TTF2: variants seen among roughly 807,000 people sequenced by gnomAD.
TTF2 encodes RNA polymerase II termination factor.
Under a neutral mutation model 142.4 loss-of-function variants are expected in TTF2, and 108 were observed. The observed-to-expected ratio is 0.76, with a 90% CI of 0.65 to 0.89. TTF2 has a LOEUF of 0.89. TTF2 is among the 40% of genes least tolerant of loss of function. The pLI is 0.00. For synonymous variants in TTF2, 483 were observed against 506.2 expected (o/e 0.95, Z 0.61); for missense variants, 1,327 against 1,379.8 (o/e 0.96, Z 0.61).
chr1:117,089,260 C>CAAATATATGCTA (rs1553198319), intron 13 of TTF2, among the ~76,000 whole-genome samples: 1 of 137,468 alleles, frequency 7.3e-6, no homozygotes, highest in African/African-American at 2.7e-5. Flanking sequence ...CAAATATATG[C>CAAATATATGCTA]TATATATATA....
In TTF2 at chr1:117,063,218, C is replaced by A. The variant is rs1053561621; in HGVS notation, c.218+745C>A. Among the ~76,000 whole-genome samples, 14 of 152,122 alleles carry A rather than the reference C, an allele frequency of 9.2e-5. No individual in the cohort carries two copies. The highest frequency in any genetic ancestry group is 3.1e-4 in the African/African-American group (13 of 41,428). ...GAGTACCACCTACAATTTTTATATACCTGAGTACTGTTCATACTTCTATTT... is the reference window on the plus strand; with the variant it reads ...GAGTACCACCTACAATTTTTATATAACTGAGTACTGTTCATACTTCTATTT... On this transcript the variant is annotated intron_variant, in intron 3 of 22. Transcript: ENST00000369466. This position sits in a 1 kb window ranked among gnomAD's most constrained non-coding sequence, Gnocchi z 4.1.
rs776956623 is a variant in TTF2 at position 117,075,694 on chromosome 1, A to C, written c.1110A>C (p.Leu370=). The C allele has an allele frequency of 6.2e-7, 1 of 1,613,882 alleles. No individual in the cohort carries two copies. The highest frequency in any genetic ancestry group is 1.3e-5 in the African/African-American group (1 of 74,924). The change falls in exon 5 of 23, where the codon CTA becomes CTC. Residue 370 remains leucine, a synonymous_variant. Transcript: ENST00000369466. The surrounding 1 kb of genome is among the most constrained non-coding windows in gnomAD (Gnocchi z 4.5). ...TTTCCTCTAAGCCTGGGAGCCCCCT[A>C]CTCTTTGACTCGACTCTGGACTTAG... ...VFVSSKPGSP[L]LFDSTLDLET...
Position 117,091,335 on chromosome 1 carries a change from C to T in TTF2, c.2596C>T (p.Leu866=). The change falls in exon 16 of 23, where the codon CTG becomes TTG. Residue 866 remains leucine (L), a synonymous_variant. Coordinates refer to ENST00000369466, the MANE Select transcript of TTF2 (RefSeq NM_003594.4). ...NVFFARSRSA[L]QSYLKRHESR... ...CTTTTTAATCTGAGGCAGGTCAGCT[C>T]TGCAATCCTATCTAAAAAGACATGA... 1 of 1,612,508 alleles carries T rather than the reference C, an allele frequency of 6.2e-7. No homozygotes were observed. The highest frequency in any genetic ancestry group is 1.1e-5 in the South Asian group (1 of 90,800).
chr1:117,096,403 G>A (rs1649152688), intron 20 of TTF2, 104 bp downstream of exon 20: 4 of 1,437,698 alleles, frequency 2.8e-6, no homozygotes, highest in Admixed American at 2.2e-5. Context: ...TTGAGACGGA[G>A]TTTTGCTCTT....
At position 117,090,872 on chromosome 1, in the gene TTF2, G is replaced by T. The variant is rs965296181; in HGVS notation, c.2588+249G>T. Among the ~76,000 whole-genome samples the T allele has an allele frequency of 2.8e-4, 43 of 152,102 alleles. 1 individual carries two copies. Among genetic ancestry groups the T allele is most frequent in the African/African-American group, 9.4e-4 (39 of 41,446 alleles). On this transcript the variant is annotated intron_variant, in intron 15 of 22. Coordinates refer to ENST00000369466, the MANE Select transcript of TTF2 (RefSeq NM_003594.4). This position sits in a 1 kb window ranked among gnomAD's most constrained non-coding sequence, Gnocchi z 4.8. ...GGCTTCCTTGCATAGAAGTCATAGG[G>T]TGTGGTCACCATATACTGAATCTGT... is the stretch of plus-strand genomic sequence containing the variant.
intron 11 of TTF2, among the ~76,000 whole-genome samples, chr1:117,084,441 C>G (rs192007784): frequency 3.2e-4 from 48 of 152,324 alleles, no homozygotes; most frequent in African/African-American, 1.2e-3. Flanking sequence ...CAGCAGCATT[C>G]CCCTAGTCAA....
rs75800043 is a variant in TTF2 at position 117,073,118 on chromosome 1, T to C, written c.219-543T>C. Among the ~76,000 whole-genome samples the C allele has an allele frequency of 2.2e-3, 331 of 152,324 alleles. 1 individual carries two copies. Among genetic ancestry groups the C allele is most frequent in the African/African-American group, 7.4e-3 (307 of 41,580 alleles). ...TAACTTATTTGTGGAAGGGATCAGG[T>C]TGTTTGTCCTATAGCGTTTCCCACT... On this transcript the variant is annotated intron_variant, in intron 3 of 22. Transcript: ENST00000369466. The surrounding 1 kb of genome is among the most constrained non-coding windows in gnomAD (Gnocchi z 4.4).
intron 9 of TTF2, among the ~76,000 whole-genome samples, chr1:117,081,607 A>G (rs750423564): frequency 3.3e-5 from 5 of 152,242 alleles, no homozygotes; most frequent in South Asian, 2.1e-4. Context: ...TACAAGAGTC[A>G]TAGTAAATGT....
chr1:117,079,487 A>T lies in TTF2; in HGVS notation c.1702-81A>T. On this transcript the variant is annotated intron_variant, in intron 8 of 22. Transcript: ENST00000369466. The surrounding 1 kb of genome is among the most constrained non-coding windows in gnomAD (Gnocchi z 4.2). Reference sequence around the variant, plus strand: ...GGGAATCATTTGTAGAAAATAGGAGAGTGTAGAGTTCGTGTAGCCAGGCTC... The same window carrying T: ...GGGAATCATTTGTAGAAAATAGGAGTGTGTAGAGTTCGTGTAGCCAGGCTC... 8.0e-7 allele frequency: 1 copy of T among 1,257,004 alleles called. No individual in the cohort carries two copies. The highest frequency in any genetic ancestry group is 1.2e-6 in the Non-Finnish European group (1 of 858,066). 77.9% of individuals were successfully genotyped at this position (1,257,004 alleles called of 1,614,324 possible).
intron 3 of TTF2, among the ~76,000 whole-genome samples, chr1:117,069,828 G>A (rs1002617767): frequency 6.6e-6 from 1 of 152,192 alleles, no homozygotes; most frequent in African/African-American, 2.4e-5. Flanking sequence ...GAGGATTTGT[G>A]TTTTGGTGAA....
chr1:117,083,241 CAAA>C (rs937586299), intron 10 of TTF2, among the ~76,000 whole-genome samples: 4 of 53,292 alleles, frequency 7.5e-5, no homozygotes, highest in Admixed American at 2.0e-4. Flanking sequence ...GACTCCGTCT[CAAA>C]AAAAAAAAAA....
At chr1:117,066,720 A>G (rs1299984211) in intron 3 of TTF2, among the ~76,000 whole-genome samples, 3 of 147,522 alleles carry the variant, frequency 2.0e-5, no homozygotes, top group East Asian at 2.0e-4. Flanking sequence ...TTTTTTTTTA[A>G]AAGACAGAGT....
At position 117,078,998 on chromosome 1, in the gene TTF2, C is replaced by T. The variant is rs563082457; in HGVS notation, c.1702-570C>T. ...CTCACACCTATAATCCCAGCACTTT[C>T]GGAGGCCGAGGCAGGCAGATCACTT... On this transcript the variant is annotated intron_variant, in intron 8 of 22. Transcript: ENST00000369466. 3.0e-4 allele frequency among the ~76,000 whole-genome samples: 45 copies of T among 152,162 alleles called. 1 individual carries two copies. In the South Asian group the frequency reaches 7.9e-3, roughly 27 times the overall value.
Position 117,101,333 on chromosome 1 carries a change from G to T in TTF2, c.3345-47G>T. On this transcript the variant is annotated intron_variant, in intron 22 of 22. Coordinates refer to ENST00000369466, the MANE Select transcript of TTF2 (RefSeq NM_003594.4). The surrounding 1 kb of genome is among the most constrained non-coding windows in gnomAD (Gnocchi z 5.9). ...GTTTGAATATATTATTAGATGTGCT[G>T]CTTAGGGTTTTTGATAGTTTGCTTA... 6.5e-7 allele frequency: 1 copy of T among 1,526,982 alleles called. No individual in the cohort carries two copies. The highest frequency in any genetic ancestry group is 8.7e-7 in the Non-Finnish European group (1 of 1,143,138). The allele number at this position is 1,526,982 out of a possible 1,614,324, so 94.6% of individuals were successfully genotyped here. A position where few individuals can be genotyped will look rare whatever the true frequency, so the allele number is the denominator to read the frequency against.
At position 117,106,991 on chromosome 1, in the gene TTF2, CTT is replaced by C. The variant is rs762370213; in HGVS notation, c.*5472_*5473del. ...AGGACAGAGGCTCTTATTTGTGACTCTTTTTTCTTACCTGTAACACCAGAGGC... is the reference window on the plus strand; with the variant it reads ...AGGACAGAGGCTCTTATTTGTGACTCTTTTCTTACCTGTAACACCAGAGGC... On this transcript the variant is annotated 3_prime_UTR_variant, in exon 23 of 23. Coordinates refer to ENST00000369466, the MANE Select transcript of TTF2 (RefSeq NM_003594.4). 1 of 152,136 alleles carries C rather than the reference CTT, an allele frequency of 6.6e-6. No homozygotes were observed. The highest frequency in any genetic ancestry group is 1.5e-5 in the Non-Finnish European group (1 of 68,024). The allele number at this position is 152,136 out of a possible 1,614,324, so 9.4% of individuals were successfully genotyped here.
intron 3 of TTF2, among the ~76,000 whole-genome samples, chr1:117,072,483 G>A (rs1276917044): frequency 7.1e-6 from 1 of 140,764 alleles, no homozygotes; most frequent in Non-Finnish European, 1.5e-5. Flanking sequence ...GGAGTGCAGT[G>A]GTGCAATCTC....
intron 13 of TTF2, 101 bp from the exon 14 acceptor site, chr1:117,089,954 A>T: frequency 7.3e-7 from 1 of 1,374,666 alleles, no homozygotes; most frequent in Non-Finnish European, 9.9e-7. Flanking sequence ...CAGGTGTAAC[A>T]GAAAATCTGA....
At position 117,106,262 on chromosome 1, in the gene TTF2, G is replaced by T. The variant is rs1458784353; in HGVS notation, c.*4738G>T. The T allele has an allele frequency of 2.1e-5, 3 of 145,136 alleles. No homozygotes were observed. Among genetic ancestry groups the T allele is most frequent in the African/African-American group, 7.7e-5 (3 of 38,864 alleles). 9.0% of individuals were successfully genotyped at this position (145,136 alleles called of 1,614,324 possible). ...CACAGAAGTCAGTAGTTAGGGGATG[G>T]AGATAGATATGAAAAAAAAAAAAAG... On this transcript the variant is annotated 3_prime_UTR_variant, in exon 23 of 23. Coordinates refer to ENST00000369466, the MANE Select transcript of TTF2 (RefSeq NM_003594.4).
At chr1:117,074,130 C>A (rs1408247682) in intron 4 of TTF2, among the ~76,000 whole-genome samples, 1 of 151,750 alleles carries the variant, frequency 6.6e-6, no homozygotes, top group African/African-American at 2.4e-5. Context: ...TAGGAGAAGC[C>A]CTACAGATAT....
Sources: allele counts gnomAD v4.1 joint callset (sites outside exome capture counted in the v4.1 genomes callset), GRCh38; gene constraint gnomAD v4.1.1; non-coding constraint Gnocchi (gnomAD v3.1); transcripts MANE v1.5; gene names NCBI Gene and HGNC (gene_info 2026-07-23, HGNC 2026-07-21).